TULP3: variants seen among roughly 807,000 people sequenced by gnomAD.
TULP3 encodes TUB like protein 3.
Under a neutral mutation model 50.7 loss-of-function variants are expected in TULP3, and 38 were observed. The observed-to-expected ratio is 0.75, with a 90% confidence interval of 0.58 to 0.98. The LOEUF (loss-of-function observed/expected upper bound fraction) is 0.98, where lower values mean the gene tolerates loss of function less well. Ranked by LOEUF, TULP3 falls within the 50% of genes least tolerant of loss-of-function variation. The pLI is 0.00. For synonymous variants in TULP3, 183 were observed against 196.6 expected (o/e 0.93, Z 0.58); for missense variants, 550 against 568.0 (o/e 0.97, Z 0.32).
intron 1 of TULP3, among the ~76,000 whole-genome samples, chr12:2,897,040 G>A (rs377378967): frequency 6.4e-4 from 97 of 151,812 alleles, no homozygotes; most frequent in African/African-American, 2.2e-3. Flanking sequence ...TTGGAGTCTC[G>A]CTCTGTCGCC....
chr12:2,896,435 C>G (rs1412877261), intron 1 of TULP3, among the ~76,000 whole-genome samples: 1 of 152,186 alleles, frequency 6.6e-6, no homozygotes, highest in Non-Finnish European at 1.5e-5. Context: ...AAATTCCTGT[C>G]TCTGCTGACC....
chr12:2,897,301 C>T (rs1016799763), intron 1 of TULP3, among the ~76,000 whole-genome samples: 2 of 152,032 alleles, frequency 1.3e-5, no homozygotes, highest in Non-Finnish European at 2.9e-5. Context: ...TGAGCCACTA[C>T]GCCCAGCCTA....
At chr12:2,907,487 A>AAAAAAAAAG (rs2153948686) in intron 1 of TULP3, among the ~76,000 whole-genome samples, 1 of 149,910 alleles carries the variant, frequency 6.7e-6, no homozygotes, top group Admixed American at 6.7e-5. Context: ...AAAAAAAAAA[A>AAAAAAAAAG]AAATACAAAA....
chr12:2,915,253 A>C (rs2098187956), intron 2 of TULP3, among the ~76,000 whole-genome samples: 1 of 151,412 alleles, frequency 6.6e-6, no homozygotes, highest in Admixed American at 6.6e-5. Flanking sequence ...GCCTCCCAAA[A>C]TGCTGGGATT....
intron 1 of TULP3, among the ~76,000 whole-genome samples, chr12:2,905,439 C>T (rs1254278514): frequency 6.6e-6 from 1 of 152,116 alleles, no homozygotes; most frequent in African/African-American, 2.4e-5. Context: ...CTGCCTCCGC[C>T]TCCCAAAGTG....
chr12:2,929,208 T>G (rs1400130526), intron 4 of TULP3, among the ~76,000 whole-genome samples: 1 of 151,664 alleles, frequency 6.6e-6, no homozygotes, highest in Non-Finnish European at 1.5e-5. Flanking sequence ...TCCCAGCTAC[T>G]TGGGAGGCTG....
intron 8 of TULP3, among the ~76,000 whole-genome samples, chr12:2,936,579 TA>T (rs55913637): frequency 0.21 from 27,796 of 134,534 alleles, 2,587 homozygotes; most frequent in South Asian, 0.28. Flanking sequence ...CCGTCTCGAC[TA>T]AAAAAAAAAA....
At chr12:2,913,860 C>T (rs979151781) in intron 2 of TULP3, among the ~76,000 whole-genome samples, 1 of 152,164 alleles carries the variant, frequency 6.6e-6, no homozygotes, top group African/African-American at 2.4e-5. Context: ...CCGCCTGCCT[C>T]GGCCTCCCAA....
Position 2,940,510 on chromosome 12 carries a change from C to G in TULP3, c.*1066C>G, listed in dbSNP as rs745339201. ...CCCTCCACGTATTATGTGACTCTTA[C>G]ACCAGTTCACCCTTCCCAGAATGTA... On this transcript the variant is annotated 3_prime_UTR_variant, in exon 11 of 11. Coordinates refer to ENST00000448120, the MANE Select transcript of TULP3 (RefSeq NM_003324.5). 3.4e-5 allele frequency: 53 copies of G among 1,537,352 alleles called. No individual in the cohort carries two copies. The highest frequency in any genetic ancestry group is 2.1e-4 in the South Asian group (17 of 82,062).
Position 2,941,128 on chromosome 12 carries a change from T to G in TULP3, c.*1684T>G, listed in dbSNP as rs2098204576. On this transcript the variant is annotated 3_prime_UTR_variant, in exon 11 of 11. Transcript: ENST00000448120. ...ATATGTTACAGAAATAAAAGTTAAT[T>G]TATATAAAAATGTGTCACTGCCTTT... The G allele has an allele frequency of 6.2e-6, 1 of 160,918 alleles. No individual in the cohort carries two copies. Among genetic ancestry groups the G allele is most frequent in the South Asian group, 2.0e-4 (1 of 5,048 alleles). The allele number at this position is 160,918 out of a possible 1,614,324, so 10.0% of individuals were successfully genotyped here. A position where few individuals can be genotyped will look rare whatever the true frequency, so the allele number is the denominator to read the frequency against.
chr12:2,907,475 C>CAAA lies in TULP3; in HGVS notation c.42-2041_42-2039dup, dbSNP rs60356460. 3.4e-4 allele frequency among the ~76,000 whole-genome samples: 33 copies of CAAA among 95,798 alleles called. 1 individual carries two copies. The South Asian group carries it at 7.1e-3, about 21-fold the overall frequency. 62.8% of individuals were successfully genotyped at this position (95,798 alleles called of 152,430 possible). ...GGGCGACAGAGTGAGACTCCGTCTCCAAAAAAAAAAAAAAATACAAAAATT... is the reference window on the plus strand; with the variant it reads ...GGGCGACAGAGTGAGACTCCGTCTCCAAAAAAAAAAAAAAAAAATACAAAAATT... On this transcript the variant is annotated intron_variant, in intron 1 of 10. Transcript: ENST00000448120.
At chr12:2,909,385 G>T (rs2098184142) in intron 1 of TULP3, 144 bp from the exon 2 acceptor site, 5 of 676,780 alleles carry the variant, frequency 7.4e-6, no homozygotes, top group Non-Finnish European at 1.2e-5. Flanking sequence ...TGTAGCCAGT[G>T]TGGGTAGCCT....
In TULP3 at chr12:2,931,169, G is replaced by A. The variant is rs2098197826; in HGVS notation, c.625G>A (p.Asp209Asn). 2 of 1,614,190 alleles carry A rather than the reference G, an allele frequency of 1.2e-6. No individual in the cohort carries two copies. Among genetic ancestry groups the A allele is most frequent in the Non-Finnish European group, 1.7e-6 (2 of 1,180,040 alleles). The change falls in exon 6 of 11, where the codon GAT (aspartate) becomes AAT (asparagine). Residue 209 changes from aspartate to asparagine, a missense_variant. Physicochemically the swap from Asp to Asn is conservative, Grantham distance 23. Transcript: ENST00000448120. ...GVTVRCRIIR[D>N]KRGMDRGLFP... The stretch of plus-strand genomic sequence containing the variant: ...CACAGTAAGATGTCGGATAATCCGG[G>A]ATAAAAGGGGAATGGATCGGGGTCT...
At chr12:2,893,495 A>G (rs1232814515) in intron 1 of TULP3, among the ~76,000 whole-genome samples, 1 of 151,426 alleles carries the variant, frequency 6.6e-6, no homozygotes, top group Non-Finnish European at 1.5e-5. Flanking sequence ...TAATTTTTAT[A>G]TTTTTAGTAG....
Position 2,911,664 on chromosome 12 carries a change from C to CTTTTTTT in TULP3, c.93+2121_93+2127dup, listed in dbSNP as rs56027951. 4.1e-3 allele frequency among the ~76,000 whole-genome samples: 157 copies of CTTTTTTT among 38,144 alleles called. 23 individuals are homozygous for CTTTTTTT. The highest frequency in any genetic ancestry group is 5.7e-3 in the Non-Finnish European group (112 of 19,584). The allele number at this position is 38,144 out of a possible 152,430, so 25.0% of individuals were successfully genotyped here. A position where few individuals can be genotyped will look rare whatever the true frequency, so the allele number is the denominator to read the frequency against. ...ACAGGCGTGAGCCACTGCGCCCAGC[C>CTTTTTTT]TTTTTTTTTTTTTTTTTTTTTTTTT... On this transcript the variant is annotated intron_variant, in intron 2 of 10. Transcript: ENST00000448120.
At chr12:2,937,877 C>T in intron 9 of TULP3, 148 bp downstream of exon 9, 1 of 859,278 alleles carries the variant, frequency 1.2e-6, no homozygotes, top group Non-Finnish European at 1.8e-6. Flanking sequence ...AAAGCTGCCC[C>T]TCCAAAACCT....
chr12:2,911,835 G>A (rs951883833), intron 2 of TULP3, among the ~76,000 whole-genome samples: 8 of 151,500 alleles, frequency 5.3e-5, no homozygotes, highest in Non-Finnish European at 1.0e-4. Context: ...GTTAAATAAC[G>A]TACGAGAAGC....
chr12:2,924,228 T>C (rs2098193439), intron 4 of TULP3, among the ~76,000 whole-genome samples: 1 of 152,080 alleles, frequency 6.6e-6, no homozygotes, highest in Admixed American at 6.6e-5. Context: ...AGTGCCTGAC[T>C]CAGGAAGAGG....
At chr12:2,897,914 A>G (rs1016863968) in intron 1 of TULP3, among the ~76,000 whole-genome samples, 1 of 151,864 alleles carries the variant, frequency 6.6e-6, no homozygotes, top group African/African-American at 2.4e-5. Flanking sequence ...CCCTGTCTCT[A>G]CTAAAAATAC....
Sources: gnomAD v4.1 joint callset for allele counts (sites outside exome capture counted in the v4.1 genomes callset) on GRCh38, gnomAD v4.1.1 for gene constraint, MANE v1.5 for transcripts, NCBI Gene and HGNC (gene_info 2026-07-23, HGNC 2026-07-21) for gene names.